LTBP1: variants seen among roughly 807,000 people sequenced by gnomAD.
The protein encoded by LTBP1 is latent-transforming growth factor beta-binding protein 1.
A neutral mutation model predicts 207.6 loss-of-function variants in LTBP1; 129 were observed. The ratio of observed to expected loss-of-function variants is 0.62; its 90% CI spans 0.54 to 0.72. The LOEUF (loss-of-function observed/expected upper bound fraction) is 0.72. Among genes scored for constraint, LTBP1 ranks in the 30% least tolerant of loss-of-function variants. The pLI is 0.00. For synonymous variants in LTBP1, 963 were observed against 833.7 expected (o/e 1.16, Z -2.67); for missense variants, 2,281 against 2,217.2 (o/e 1.03, Z -0.58).
chr2:33,230,664 A>G (rs1283831286), intron 9 of LTBP1, among the ~76,000 whole-genome samples: 1 of 152,208 alleles, frequency 6.6e-6, no homozygotes, highest in Non-Finnish European at 1.5e-5. Context: ...CCCTGAGTGG[A>G]AATACTGAGT....
chr2:33,190,036 GA>G (rs901841829), intron 7 of LTBP1, among the ~76,000 whole-genome samples: 13 of 151,210 alleles, frequency 8.6e-5, no homozygotes, highest in East Asian at 7.7e-4. Flanking sequence ...TCAAAAGAAA[GA>G]AAAAAAAATT....
rs1199243606 is a variant in LTBP1 at position 33,134,899 on chromosome 2, C to G, written c.1140C>G (p.Thr380=). 6.2e-7 allele frequency: 1 copy of G among 1,613,924 alleles called. No homozygotes were observed. The highest frequency in any genetic ancestry group is 8.5e-7 in the Non-Finnish European group (1 of 1,179,992). The change falls in exon 5 of 34, where the codon ACC becomes ACG. Residue 380 remains threonine (T), a synonymous_variant. Coordinates refer to ENST00000404816, the MANE Select transcript of LTBP1 (RefSeq NM_206943.4). This position sits in a 1 kb window ranked among gnomAD's most constrained non-coding sequence, Gnocchi z 4.4. The part of the protein sequence containing the change: ...CQNSCEKGNT[T]TLISENGHAA... ...ACAGCTGTGAGAAGGGGAACACCAC[C>G]ACTCTCATTAGTGAGAATGGTCATG...
chr2:33,146,062 G>T (rs1309009706), intron 5 of LTBP1, among the ~76,000 whole-genome samples: 4 of 152,132 alleles, frequency 2.6e-5, no homozygotes, highest in African/African-American at 7.2e-5. Flanking sequence ...TCTCATTTAA[G>T]GAAATTAACT....
intron 5 of LTBP1, among the ~76,000 whole-genome samples, chr2:33,172,821 A>G (rs1417688125): frequency 1.3e-5 from 2 of 152,208 alleles, no homozygotes; most frequent in Non-Finnish European, 2.9e-5. Context: ...ACCACAGTGC[A>G]ATCAAACTAG....
chr2:33,345,378 G>A (rs1034461039), intron 25 of LTBP1, among the ~76,000 whole-genome samples: 3 of 152,204 alleles, frequency 2.0e-5, no homozygotes, highest in African/African-American at 7.2e-5. Context: ...CATATAGGCC[G>A]TACAGGCCTG....
chr2:33,057,915 A>G (rs948332727), intron 3 of LTBP1, among the ~76,000 whole-genome samples: 7 of 152,390 alleles, frequency 4.6e-5, no homozygotes, highest in African/African-American at 1.7e-4. Flanking sequence ...AAGCACGGCC[A>G]GAATGGGCGC....
chr2:33,157,917 G>A (rs2084111328), intron 5 of LTBP1, among the ~76,000 whole-genome samples: 1 of 152,124 alleles, frequency 6.6e-6, no homozygotes, highest in Admixed American at 6.5e-5. Context: ...CAAGGCATGT[G>A]GATCATCTGA....
At chr2:33,299,868 C>A (rs2093950487) in intron 20 of LTBP1, among the ~76,000 whole-genome samples, 1 of 152,118 alleles carries the variant, frequency 6.6e-6, no homozygotes, top group Non-Finnish European at 1.5e-5. Flanking sequence ...GTTTAAAAAT[C>A]CTCACTTATC....
intron 5 of LTBP1, among the ~76,000 whole-genome samples, chr2:33,180,988 T>C (rs527581501): frequency 2.7e-4 from 29 of 107,484 alleles, no homozygotes; most frequent in African/African-American, 8.4e-4. Flanking sequence ...CAAATCAAAA[T>C]CATGTGTGTG....
chr2:33,280,842 G>A (rs963304596), intron 19 of LTBP1, among the ~76,000 whole-genome samples: 12 of 152,158 alleles, frequency 7.9e-5, no homozygotes, highest in South Asian at 4.1e-4. Flanking sequence ...GCCGAGGCAC[G>A]AGGATCACTT....
Position 33,132,661 on chromosome 2 carries a change from T to G in LTBP1, c.1034-2132T>G, listed in dbSNP as rs78238930. Reference sequence around the variant, plus strand: ...AGGTCTGCTTGGCCACTAGGACATCTTGCCATTTCAGACAACATGTCTTGA... The same window carrying G: ...AGGTCTGCTTGGCCACTAGGACATCGTGCCATTTCAGACAACATGTCTTGA... On this transcript the variant is annotated intron_variant, in intron 4 of 33. Transcript: ENST00000404816. Among the ~76,000 whole-genome samples, 554 of 152,312 alleles carry G rather than the reference T, an allele frequency of 3.6e-3. 5 individuals are homozygous for G. The highest frequency in any genetic ancestry group is 0.013 in the African/African-American group (539 of 41,576).
chr2:33,292,751 A>G (rs1378333457), intron 19 of LTBP1, among the ~76,000 whole-genome samples: 1 of 152,124 alleles, frequency 6.6e-6, no homozygotes, highest in East Asian at 1.9e-4. Flanking sequence ...CATGAGTCAT[A>G]TCTTTTGCTT....
chr2:33,354,253 T>C (rs1300258178), intron 26 of LTBP1, among the ~76,000 whole-genome samples: 1 of 152,192 alleles, frequency 6.6e-6, no homozygotes, highest in African/African-American at 2.4e-5. Context: ...AAAATGTGTT[T>C]AGTTAACCTG....
intron 19 of LTBP1, among the ~76,000 whole-genome samples, chr2:33,280,811 G>A (rs1441702031): frequency 1.3e-5 from 2 of 152,216 alleles, no homozygotes; most frequent in African/African-American, 2.4e-5. Context: ...GCTCATGCCT[G>A]TAATCCCAGA....
intron 31 of LTBP1, among the ~76,000 whole-genome samples, chr2:33,380,424 C>CAAAAAA (rs35730871): frequency 4.8e-5 from 6 of 125,682 alleles, no homozygotes; most frequent in African/African-American, 1.4e-4. Flanking sequence ...TAAAAAAATA[C>CAAAAAA]AAAAAAAAAA....
At chr2:33,293,071 T>C (rs1194116322) in intron 19 of LTBP1, 89 bp from the exon 20 acceptor site, 14 of 1,353,604 alleles carry the variant, frequency 1.0e-5, no homozygotes, top group Non-Finnish European at 1.3e-5. Flanking sequence ...TCTGAAGGTC[T>C]ACTGTTTCCA....
At chr2:33,097,564 T>G (rs899771792) in intron 3 of LTBP1, among the ~76,000 whole-genome samples, 2 of 152,232 alleles carry the variant, frequency 1.3e-5, no homozygotes, top group Non-Finnish European at 2.9e-5. Context: ...TTGTTAAAAT[T>G]CAACTTTATT....
At chr2:33,111,191 T>C (rs1018710281) in intron 4 of LTBP1, among the ~76,000 whole-genome samples, 2 of 152,170 alleles carry the variant, frequency 1.3e-5, no homozygotes, top group Non-Finnish European at 2.9e-5. Context: ...ACTCACCTAG[T>C]TTTTAGTGTA....
rs368230056 is a variant in LTBP1, at chr2:33,021,168, G to A, written c.825G>A (p.Pro275=). 91 of 1,609,048 alleles carry A rather than the reference G, an allele frequency of 5.7e-5. No homozygotes were observed. The highest frequency in any genetic ancestry group is 1.8e-4 in the Admixed American group (11 of 59,710). ...CCCAGATGACCTTAACCCTCAAGCC[G>A]AAGCCTTCAGTGGGACTCCCCCAGC... ...PVAQMTLTLK[P]KPSVGLPQQI... is the part of the protein sequence containing the mutation. The change falls in exon 3 of 34, where the codon CCG becomes CCA. Residue 275 remains proline, a synonymous_variant. Transcript: ENST00000404816.
Sources: allele counts gnomAD v4.1 joint callset (sites outside exome capture counted in the v4.1 genomes callset), GRCh38; gene constraint gnomAD v4.1.1; non-coding constraint Gnocchi (gnomAD v3.1); transcripts MANE v1.5; gene names NCBI Gene and HGNC (gene_info 2026-07-23, HGNC 2026-07-21).